Variants in GLMN observed in about 807,000 individuals in gnomAD.
The protein encoded by GLMN is glomulin, FKBP associated protein, also known as glomulin.
A neutral mutation model predicts 87.8 loss-of-function variants in GLMN; 75 were observed. The observed-to-expected ratio is 0.85, with a 90% CI of 0.71 to 1.04. The LOEUF is 1.04. Ranked by LOEUF, GLMN falls within the 50% of genes least tolerant of loss-of-function variation. The pLI is 0.00. For missense variants in GLMN, 588 were observed against 658.8 expected (o/e 0.89, Z 1.18); for synonymous variants, 206 against 221.6 (o/e 0.93, Z 0.63).
chr1:92,303,983 T>G, upstream of GLMN: 1 of 1,603,284 alleles, frequency 6.2e-7, no homozygotes, highest in Non-Finnish European at 8.5e-7. Flanking sequence ...TTAGGGGAGG[T>G]TCATTACACC....
chr1:92,247,768 AT>A, intron 17 of GLMN, 109 bp downstream of exon 17: 1 of 669,620 alleles, frequency 1.5e-6, no homozygotes, highest in Non-Finnish European at 2.7e-6. Flanking sequence ...CTTAGCTGTT[AT>A]GGTCTCTAAA....
At chr1:92,293,366 C>A (rs947380639) in intron 3 of GLMN, among the ~76,000 whole-genome samples, 1 of 152,062 alleles carries the variant, frequency 6.6e-6, no homozygotes, top group East Asian at 1.9e-4. Context: ...CATGTATTGT[C>A]GCGATCTCAG....
intron 4 of GLMN, 30 bp from the exon 5 acceptor site, chr1:92,290,336 T>A: frequency 1.6e-6 from 2 of 1,251,822 alleles, no homozygotes; most frequent in Non-Finnish European, 2.4e-6. Flanking sequence ...TGAACCTGTT[T>A]AATACAAGTT....
At chr1:92,280,283 T>C (rs1323304059) in intron 7 of GLMN, among the ~76,000 whole-genome samples, 1 of 152,092 alleles carries the variant, frequency 6.6e-6, no homozygotes, top group Non-Finnish European at 1.5e-5. Context: ...CAGGCAGCAA[T>C]ATTTGCTCTT....
intron 7 of GLMN, among the ~76,000 whole-genome samples, chr1:92,271,935 A>G (rs1458496247): frequency 6.6e-6 from 1 of 152,180 alleles, no homozygotes; most frequent in Non-Finnish European, 1.5e-5. Flanking sequence ...ATATTTTTAA[A>G]GGGGGTCCAG....
At chr1:92,304,381 AT>A in the GLMN span, 23 of 1,311,068 alleles carry the variant, frequency 1.8e-5, no homozygotes, top group Admixed American at 2.4e-4. Context: ...GTGGCAATTA[AT>A]TTTTTTTCTT....
At chr1:92,252,650 TGAA>T (rs1300686986) in intron 16 of GLMN, among the ~76,000 whole-genome samples, 1 of 152,108 alleles carries the variant, frequency 6.6e-6, no homozygotes, top group East Asian at 1.9e-4. Context: ...CATGTAGGAG[TGAA>T]GAAGCTGTGA....
chr1:92,277,620 G>A (rs1274821609), intron 7 of GLMN, among the ~76,000 whole-genome samples: 6 of 152,138 alleles, frequency 3.9e-5, no homozygotes, highest in Non-Finnish European at 8.8e-5. Context: ...GGTCAATGAT[G>A]TAATCAATCA....
intron 7 of GLMN, 145 bp downstream of exon 7, chr1:92,286,345 G>A: frequency 2.3e-6 from 1 of 436,106 alleles, no homozygotes; most frequent in Non-Finnish European, 4.1e-6. Context: ...AATTATTGCT[G>A]TTTTATTTTC....
intron 7 of GLMN, among the ~76,000 whole-genome samples, chr1:92,275,228 C>G (rs1647197241): frequency 6.6e-6 from 1 of 152,036 alleles, no homozygotes; most frequent in Non-Finnish European, 1.5e-5. Context: ...CCATTTCTAC[C>G]TCCTCATTAT....
chr1:92,369,142 T>TA, the GLMN span, among the ~76,000 whole-genome samples: 1 of 152,244 alleles, frequency 6.6e-6, no homozygotes, highest in Non-Finnish European at 1.5e-5. Flanking sequence ...TGTTTTTACT[T>TA]ACAGCCAATC....
At chr1:92,302,679 GCAAGCTCCGCCTC>G (rs1650947751), upstream of GLMN, among the ~76,000 whole-genome samples, 1 of 127,282 alleles carries the variant, frequency 7.9e-6, no homozygotes, top group Non-Finnish European at 1.5e-5. Flanking sequence ...TCTGCTCACT[GCAAGCTCCGCCTC>G]CCGTGTTCAC....
intron 3 of GLMN, among the ~76,000 whole-genome samples, chr1:92,296,443 A>G (rs1427621819): frequency 1.3e-5 from 2 of 152,190 alleles, no homozygotes; most frequent in African/African-American, 2.4e-5. Context: ...CTGAGTGCCA[A>G]CAGGGGAAAT....
Position 92,267,957 on chromosome 1 carries a change from G to A in GLMN, c.1054C>T (p.Leu352Phe). ...SLLRIEDNSL[L>F]YQYLEIKSFL... ...CTCTTGATTTCTAAGTACTGGTAAAGTAGACTATTGTCTTCTATTCTCAAT... is the reference window on the plus strand; with the variant it reads ...CTCTTGATTTCTAAGTACTGGTAAAATAGACTATTGTCTTCTATTCTCAAT... The change falls in exon 11 of 19, where the codon CTT (leucine) becomes TTT (phenylalanine). Residue 352 changes from leucine to phenylalanine, a missense_variant. Transcript: ENST00000370360. 4.5e-6 allele frequency: 7 copies of A among 1,559,922 alleles called. No individual in the cohort carries two copies. Among genetic ancestry groups the A allele is most frequent in the Non-Finnish European group, 6.2e-6 (7 of 1,130,802 alleles).
intron 7 of GLMN, among the ~76,000 whole-genome samples, chr1:92,282,724 C>A (rs1648227088): frequency 6.6e-6 from 1 of 151,942 alleles, no homozygotes; most frequent in Non-Finnish European, 1.5e-5. Flanking sequence ...ATACATAGAC[C>A]TCTAGCAAGA....
At chr1:92,258,537 A>C (rs1448275098) in intron 16 of GLMN, among the ~76,000 whole-genome samples, 1 of 152,260 alleles carries the variant, frequency 6.6e-6, no homozygotes, top group Admixed American at 6.5e-5. Context: ...GATTAAGAAA[A>C]TGTGGCACAT....
chr1:92,270,722 C>G (rs2100923710), intron 8 of GLMN, among the ~76,000 whole-genome samples: 1 of 152,024 alleles, frequency 6.6e-6, no homozygotes, highest in South Asian at 2.1e-4. Flanking sequence ...GAAAAGAAGA[C>G]AAGGTCAAGG....
At chr1:92,272,190 C>G (rs1656308547) in intron 7 of GLMN, among the ~76,000 whole-genome samples, 1 of 152,150 alleles carries the variant, frequency 6.6e-6, no homozygotes, top group Non-Finnish European at 1.5e-5. Flanking sequence ...GGATCTTTCC[C>G]CAGTTAAGCT....
At chr1:92,286,154 C>T (rs1419252686) in intron 7 of GLMN, among the ~76,000 whole-genome samples, 1 of 151,260 alleles carries the variant, frequency 6.6e-6, no homozygotes, top group African/African-American at 2.4e-5. Context: ...TAAGTCCATA[C>T]CATGGAACAC....
Sources: allele counts gnomAD v4.1 joint callset (sites outside exome capture counted in the v4.1 genomes callset), GRCh38; gene constraint gnomAD v4.1.1; transcripts MANE v1.5; gene names NCBI Gene and HGNC (gene_info 2026-07-23, HGNC 2026-07-21).